Variants in GALNT14 observed in about 807,000 individuals in gnomAD.
GALNT14 encodes the protein UDP-GalNAc:polypeptide N-acetylgalactosaminyltransferase 14.
Under a neutral mutation model 77.5 loss-of-function variants are expected in GALNT14, and 60 were observed. The ratio of observed to expected loss-of-function variants is 0.77; its 90% CI spans 0.63 to 0.96. GALNT14 has a LOEUF of 0.96. Among genes scored for constraint, GALNT14 ranks in the 40% least tolerant of loss-of-function variants. The pLI is 0.00. For missense variants in GALNT14, 710 were observed against 731.0 expected (o/e 0.97, Z 0.33); for synonymous variants, 280 against 281.7 (o/e 0.99, Z 0.06).
At chr2:31,120,700 A>G (rs1039835829) in intron 1 of GALNT14, among the ~76,000 whole-genome samples, 1 of 151,984 alleles carries the variant, frequency 6.6e-6, no homozygotes, top group Non-Finnish European at 1.5e-5. Flanking sequence ...AGGACTACAG[A>G]TGTGTGTGAC....
chr2:30,924,436 C>CA, intron 12 of GALNT14, 173 bp from the exon 13 acceptor site: 1 of 686,344 alleles, frequency 1.5e-6, no homozygotes, highest in East Asian at 2.7e-5. Flanking sequence ...CAAGGAAAGA[C>CA]CCAGGAGCTA....
chr2:31,129,722 T>G (rs914961827), intron 1 of GALNT14: 36 of 679,092 alleles, frequency 5.3e-5, no homozygotes, highest in South Asian at 6.6e-5. Context: ...GGCTGGGAGG[T>G]GGGGGGTGGG....
intron 6 of GALNT14, among the ~76,000 whole-genome samples, chr2:30,950,479 C>T (rs1374706585): frequency 2.0e-5 from 3 of 152,198 alleles, no homozygotes; most frequent in Non-Finnish European, 4.4e-5. Flanking sequence ...TCCACTTCCA[C>T]TCACAGGATC....
chr2:30,939,393 T>C (rs1666243446), intron 9 of GALNT14, among the ~76,000 whole-genome samples: 1 of 151,972 alleles, frequency 6.6e-6, no homozygotes, highest in South Asian at 2.1e-4. Flanking sequence ...GTCCTAATAG[T>C]GGGTTGGACT....
At chr2:31,099,334 T>C (rs1263984858) in intron 1 of GALNT14, among the ~76,000 whole-genome samples, 1 of 141,364 alleles carries the variant, frequency 7.1e-6, no homozygotes, top group African/African-American at 3.2e-5. Flanking sequence ...TTGGAACTCT[T>C]TATTTAAGTT....
intron 1 of GALNT14, among the ~76,000 whole-genome samples, chr2:31,050,945 G>T (rs2148518820): frequency 6.6e-6 from 1 of 152,214 alleles, no homozygotes; most frequent in South Asian, 2.1e-4. Context: ...AGTGGAAAGG[G>T]CAGGAAACAG....
the GALNT14 span, among the ~76,000 whole-genome samples, chr2:30,887,268 T>C: frequency 1.3e-5 from 2 of 152,248 alleles, no homozygotes; most frequent in African/African-American, 4.8e-5. Context: ...AAATGGTAAC[T>C]CTATGTTTAA....
chr2:31,019,497 T>C (rs1296423788), intron 1 of GALNT14, among the ~76,000 whole-genome samples: 3 of 152,104 alleles, frequency 2.0e-5, no homozygotes, highest in African/African-American at 7.2e-5. Context: ...CTATCTGTGC[T>C]CTGCAGGGCC....
chr2:31,017,656 C>G (rs1323552971), intron 1 of GALNT14, among the ~76,000 whole-genome samples: 1 of 152,064 alleles, frequency 6.6e-6, no homozygotes, highest in African/African-American at 2.4e-5. Flanking sequence ...TTAGCCTCTG[C>G]CCAAATCTTG....
intron 3 of GALNT14, among the ~76,000 whole-genome samples, chr2:30,959,841 C>T (rs769767343): frequency 3.3e-5 from 5 of 152,296 alleles, no homozygotes; most frequent in Admixed American, 1.3e-4. Context: ...CCCCAAACCA[C>T]GTGACTACTC....
intron 2 of GALNT14, chr2:30,991,500 T>C (rs1669699519): frequency 6.6e-6 from 1 of 152,030 alleles, no homozygotes; most frequent in Non-Finnish European, 1.5e-5. Context: ...TTCAGGCCAG[T>C]AGAAGGGAGT....
chr2:30,920,913 C>A (rs113994894), intron 13 of GALNT14, among the ~76,000 whole-genome samples: 295 of 152,260 alleles, frequency 1.9e-3, no homozygotes, highest in Non-Finnish European at 3.7e-3. Flanking sequence ...TCTCCCAGCA[C>A]CCCACATTCA....
intron 3 of GALNT14, among the ~76,000 whole-genome samples, chr2:30,959,220 T>A (rs895615652): frequency 1.3e-5 from 2 of 152,184 alleles, no homozygotes; most frequent in African/African-American, 4.8e-5. Flanking sequence ...CTTCCTCCTC[T>A]GGGATCTCCT....
intron 1 of GALNT14, among the ~76,000 whole-genome samples, chr2:31,103,191 T>C (rs983573806): frequency 2.0e-5 from 3 of 152,132 alleles, no homozygotes; most frequent in African/African-American, 7.2e-5. Context: ...TATTTTCGTC[T>C]TTCTGTGATT....
At chr2:30,987,177 C>A (rs1348623651) in intron 2 of GALNT14, 1 of 152,124 alleles carries the variant, frequency 6.6e-6, no homozygotes, top group Non-Finnish European at 1.5e-5. Flanking sequence ...GATGAAAGGA[C>A]AAGGTTGCAG....
intron 2 of GALNT14, chr2:30,991,141 G>C (rs1448210936): frequency 6.6e-6 from 1 of 151,964 alleles, no homozygotes; most frequent in Admixed American, 6.6e-5. Flanking sequence ...CCTGCTCAGT[G>C]AATTACTTGT....
chr2:30,914,444 T>C (rs1285603404), intron 13 of GALNT14, among the ~76,000 whole-genome samples: 1 of 152,190 alleles, frequency 6.6e-6, no homozygotes, highest in African/African-American at 2.4e-5. Flanking sequence ...CAAGAGATTC[T>C]TCTTCTTGGC....
intron 11 of GALNT14, among the ~76,000 whole-genome samples, chr2:30,927,551 A>G (rs1167495291): frequency 6.6e-6 from 1 of 152,236 alleles, no homozygotes; most frequent in Non-Finnish European, 1.5e-5. Context: ...GTTCATCCAG[A>G]GTACAGGTGG....
At chr2:31,059,340 TC>T (rs1674440360) in intron 1 of GALNT14, among the ~76,000 whole-genome samples, 1 of 152,186 alleles carries the variant, frequency 6.6e-6, no homozygotes, top group Admixed American at 6.5e-5. Context: ...TATGTATCCA[TC>T]CTAAACTGTT....
Sources: allele counts gnomAD v4.1 joint callset (sites outside exome capture counted in the v4.1 genomes callset), GRCh38; gene constraint gnomAD v4.1.1; transcripts MANE v1.5; gene names NCBI Gene and HGNC (gene_info 2026-07-23, HGNC 2026-07-21).